ARID1B: variants seen among roughly 807,000 people sequenced by gnomAD.
The protein encoded by ARID1B is AT-rich interactive domain-containing protein 1B.
Under a neutral mutation model 212.3 loss-of-function variants are expected in ARID1B, and 30 were observed. That is an observed-to-expected ratio of 0.14 (90% CI 0.11 to 0.19). The LOEUF is 0.19. ARID1B is among the 10% of genes least tolerant of loss of function. The pLI is 1.00. For synonymous variants in ARID1B, 1,402 were observed against 1,301.7 expected (o/e 1.08, Z -1.66); for missense variants, 2,891 against 3,204.0 (o/e 0.90, Z 2.36).
chr6:156,852,499 T>G (rs1784646575), intron 2 of ARID1B, among the ~76,000 whole-genome samples: 1 of 152,076 alleles, frequency 6.6e-6, no homozygotes, highest in Non-Finnish European at 1.5e-5. Flanking sequence ...ATTTGGACCT[T>G]CATTAATTCA....
chr6:156,777,901 AC>A lies in ARID1B; in HGVS notation c.226del (p.Leu76CysfsTer77). ...GGCGGCCTGAACAGTGTGCACCACC[AC>A]CCCCTGCTCCCCCGTCACGAACTCA... ...GGGGLNSVHH[H>X]PLLPRHELNM... On this transcript the variant is annotated frameshift_variant, in exon 1 of 20. Transcript: ENST00000636930. LOFTEE classifies it high-confidence loss of function. 6.7e-7 allele frequency: 1 copy of A among 1,500,232 alleles called. No individual in the cohort carries two copies. The highest frequency in any genetic ancestry group is 2.5e-5 in the East Asian group (1 of 39,990). 92.9% of individuals were successfully genotyped at this position (1,500,232 alleles called of 1,614,324 possible).
chr6:157,054,081 A>G (rs1025679238), intron 4 of ARID1B, among the ~76,000 whole-genome samples: 3 of 152,092 alleles, frequency 2.0e-5, no homozygotes, highest in Non-Finnish European at 4.4e-5. Flanking sequence ...AAAATTAGCC[A>G]GGCCTGGTGG....
rs1234206501 is a variant in ARID1B, at chr6:156,996,032, C to G, written c.2247+60456C>G. On this transcript the variant is annotated intron_variant, in intron 4 of 19. Transcript: ENST00000636930. The stretch of plus-strand genomic sequence containing the variant: ...TTGGAATGCTTATATTTTAGCTCCC[C>G]TAAATCTTTAAACTCTTCAACAGTA... 2.6e-5 allele frequency among the ~76,000 whole-genome samples: 4 copies of G among 152,182 alleles called. No homozygotes were observed. The East Asian group carries it at 7.7e-4, about 29-fold the overall frequency.
At position 156,779,437 on chromosome 6, in the gene ARID1B, C is replaced by A; in HGVS notation, c.1757C>A (p.Pro586His). The change falls in exon 1 of 20, where the codon CCC becomes CAC. Residue 586 changes from proline (P) to histidine (H), a missense_variant. Physicochemically the swap from Pro to His is moderately conservative, Grantham distance 77 (BLOSUM62 -2). This residue lies in a region of ARID1B where 1,643 missense variants were observed against 1,544.0 expected (regional missense o/e 1.06). Transcript: ENST00000636930. ...CAAAGGAGTCACCCGGCGATGAGCC[C>A]CGGCACCCCCGGACCGACCATGGGC... Reference protein sequence around the residue: ...AQQRSHPAMSPGTPGPTMGRS... With the variant: ...AQQRSHPAMSHGTPGPTMGRS... 6.8e-7 allele frequency: 1 copy of A among 1,463,464 alleles called. No homozygotes were observed. The highest frequency in any genetic ancestry group is 9.1e-7 in the Non-Finnish European group (1 of 1,104,892). The allele number at this position is 1,463,464 out of a possible 1,614,324, so 90.7% of individuals were successfully genotyped here. A position where few individuals can be genotyped will look rare whatever the true frequency, so the allele number is the denominator to read the frequency against.
At chr6:156,929,744 A>G (rs1791545153) in intron 3 of ARID1B, among the ~76,000 whole-genome samples, 1 of 152,100 alleles carries the variant, frequency 6.6e-6, no homozygotes, top group Non-Finnish European at 1.5e-5. Context: ...GCTCTGTTGC[A>G]TTTTGTTTCT....
chr6:157,116,035 A>T (rs1298440619), intron 6 of ARID1B, among the ~76,000 whole-genome samples: 1 of 152,236 alleles, frequency 6.6e-6, no homozygotes, highest in Admixed American at 6.5e-5. Context: ...TGACCAGTTC[A>T]CATTTGTTTT....
intron 4 of ARID1B, chr6:156,938,161 T>G (rs1039641148): frequency 6.6e-6 from 1 of 152,174 alleles, no homozygotes; most frequent in South Asian, 2.1e-4. Context: ...GTAAAAACTT[T>G]CTGTATGGGG....
chr6:156,858,355 A>G (rs1459985316), intron 2 of ARID1B, among the ~76,000 whole-genome samples: 3 of 152,222 alleles, frequency 2.0e-5, no homozygotes, highest in African/African-American at 7.2e-5. Flanking sequence ...TGTAATTTCA[A>G]AATCACTGAA....
intron 4 of ARID1B, among the ~76,000 whole-genome samples, chr6:156,946,832 A>T (rs1014640007): frequency 7.2e-5 from 11 of 151,954 alleles, no homozygotes; most frequent in Non-Finnish European, 2.9e-5. Flanking sequence ...GATTTTTATG[A>T]GAGTAAAGCA....
chr6:156,808,583 C>A (rs1183963302), intron 1 of ARID1B, among the ~76,000 whole-genome samples: 2 of 152,138 alleles, frequency 1.3e-5, no homozygotes, highest in African/African-American at 4.8e-5. Flanking sequence ...TTCTTTCATT[C>A]TCTTTTTTAC....
intron 1 of ARID1B, among the ~76,000 whole-genome samples, chr6:156,801,567 T>C (rs543493618): frequency 2.6e-4 from 40 of 152,284 alleles, no homozygotes; most frequent in South Asian, 1.0e-3. Context: ...TTAAAAATAA[T>C]GAAAAACCAT....
At chr6:156,923,513 T>A (rs79796280) in intron 3 of ARID1B, among the ~76,000 whole-genome samples, 2,559 of 152,244 alleles carry the variant, frequency 0.017, 65 homozygotes, top group African/African-American at 0.057. Context: ...TTACTCAACC[T>A]AATTTTCTTC....
chr6:157,089,833 G>A (rs1304892254), intron 5 of ARID1B, among the ~76,000 whole-genome samples: 1 of 152,172 alleles, frequency 6.6e-6, no homozygotes, highest in Non-Finnish European at 1.5e-5. Context: ...ATTCTGAAAT[G>A]TGTGATATTA....
intron 3 of ARID1B, among the ~76,000 whole-genome samples, chr6:156,902,831 T>G (rs928677371): frequency 2.0e-5 from 3 of 152,032 alleles, no homozygotes; most frequent in Non-Finnish European, 4.4e-5. Flanking sequence ...AAGTCTTTTA[T>G]TAAAGTGTAT....
At chr6:156,966,386 C>CTT (rs1214987532) in intron 4 of ARID1B, among the ~76,000 whole-genome samples, 1,454 of 38,714 alleles carry the variant, frequency 0.038, 25 homozygotes, top group African/African-American at 0.084. Flanking sequence ...CTTTTCTTTT[C>CTT]TTTTTTTTTT....
At chr6:157,135,001 G>A (rs1788815917) in intron 7 of ARID1B, among the ~76,000 whole-genome samples, 1 of 151,840 alleles carries the variant, frequency 6.6e-6, no homozygotes, top group Non-Finnish European at 1.5e-5. Context: ...CTGAGCCTTG[G>A]GCTATCTAGT....
chr6:156,826,401 C>T (rs1782743126), intron 1 of ARID1B, among the ~76,000 whole-genome samples: 1 of 152,236 alleles, frequency 6.6e-6, no homozygotes, highest in East Asian at 1.9e-4. Context: ...TGCACTGTGA[C>T]CTGTTTAGTC....
rs188372203 is a variant in ARID1B at position 156,934,633 on chromosome 6, G to A, written c.2137-833G>A. ...TCCTATGAGCTTAATAACGATTTAC[G>A]CTGTTATGTGGGTAATTGAGAGGAC... On this transcript the variant is annotated intron_variant, in intron 3 of 19. Transcript: ENST00000636930. 1.9e-3 allele frequency among the ~76,000 whole-genome samples: 291 copies of A among 152,000 alleles called. 1 individual carries two copies. The highest frequency in any genetic ancestry group is 6.7e-3 in the African/African-American group (277 of 41,452).
rs1470546108 is a variant in ARID1B at position 156,881,726 on chromosome 6, A to C, written c.1987-19650A>C. ...TAATTCCAAATGGTAGATATTCCTT[A>C]AAAATTGCCTCACGGTTTGGGGCTA... On this transcript the variant is annotated intron_variant, in intron 2 of 19. Coordinates refer to ENST00000636930, the MANE Select transcript of ARID1B (RefSeq NM_001374828.1). 3.3e-5 allele frequency among the ~76,000 whole-genome samples: 5 copies of C among 152,180 alleles called. No individual in the cohort carries two copies. The East Asian group carries it at 9.6e-4, about 29-fold the overall frequency.
Sources: gnomAD v4.1 joint callset for allele counts (sites outside exome capture counted in the v4.1 genomes callset) on GRCh38, gnomAD v4.1.1 for gene constraint, gnomAD v4.1.1 regional missense constraint, MANE v1.5 for transcripts, NCBI Gene and HGNC (gene_info 2026-07-23, HGNC 2026-07-21) for gene names.